The following KCNQ1 variants were observed in gnomAD, a reference collection of about 807,000 sequenced individuals.
The protein encoded by KCNQ1 is potassium voltage-gated channel subfamily Q member 1.
A neutral mutation model predicts 72.4 loss-of-function variants in KCNQ1; 49 were observed. That is an observed-to-expected ratio of 0.68 (90% confidence interval 0.54 to 0.86). KCNQ1 has a LOEUF of 0.86. KCNQ1 is among the 40% of genes least tolerant of loss of function. KCNQ1 has a pLI of 0.00. For missense variants in KCNQ1, 790 were observed against 945.1 expected, an observed-to-expected ratio of 0.84 and a Z score of 2.15; for synonymous variants, 450 against 412.6, an observed-to-expected ratio of 1.09 and a Z score of -1.10.
rs1564870794 is a variant in KCNQ1 at position 2,720,366 on chromosome 11, TACAGTC to T, written c.1515-48476_1515-48471del. Among the ~76,000 whole-genome samples, 1 of 152,294 alleles carries T rather than the reference TACAGTC, an allele frequency of 6.6e-6. No individual in the cohort carries two copies. The highest frequency in any genetic ancestry group is 2.4e-5 in the African/African-American group (1 of 41,566). On this transcript the variant is annotated intron_variant, in intron 11 of 15. Coordinates refer to ENST00000155840, the MANE Select transcript of KCNQ1 (RefSeq NM_000218.3). The surrounding 1 kb of genome is among the most constrained non-coding windows in gnomAD (Gnocchi z 5.1). The stretch of plus-strand genomic sequence containing the variant: ...GCTCAGCCGCCTTCCGGGGCCCGGC[TACAGTC>T]AGGCCTCCTTCGTGCTGAGCATGTG...
intron 11 of KCNQ1, chr11:2,694,619 G>T: frequency 2.5e-6 from 1 of 398,580 alleles, no homozygotes; most frequent in South Asian, 1.3e-4. Context: ...TTCAATAAAT[G>T]AATGAAACCA....
intron 11 of KCNQ1, chr11:2,672,980 C>T (rs1407658368): frequency 2.5e-6 from 1 of 398,608 alleles, no homozygotes; most frequent in Non-Finnish European, 4.4e-6. Context: ...CCCTGCAGGC[C>T]TTGCCTAAAG....
chr11:2,519,143 C>T (rs989746325), intron 1 of KCNQ1, among the ~76,000 whole-genome samples: 2 of 152,182 alleles, frequency 1.3e-5, no homozygotes, highest in Non-Finnish European at 2.9e-5. Context: ...AAGTGGCGGT[C>T]CCTGAAGGGC....
At chr11:2,778,094 A>C in intron 15 of KCNQ1, 57 bp downstream of exon 15, 1 of 1,523,980 alleles carries the variant, frequency 6.6e-7, no homozygotes, top group Non-Finnish European at 9.1e-7. Context: ...GCCAGCAGGC[A>C]CCTCCCTGTG....
chr11:2,802,785 T>C (rs1192629756), intron 15 of KCNQ1, among the ~76,000 whole-genome samples: 1 of 152,142 alleles, frequency 6.6e-6, no homozygotes, highest in South Asian at 2.1e-4. Flanking sequence ...CACTGCATGC[T>C]CCCAGCCCTT....
At chr11:2,716,928 C>G (rs544353166) in intron 11 of KCNQ1, among the ~76,000 whole-genome samples, 1 of 152,350 alleles carries the variant, frequency 6.6e-6, no homozygotes, top group South Asian at 2.1e-4. Flanking sequence ...GCAGTAGGAG[C>G]TCTGTGCATA....
At chr11:2,610,136 T>A in intron 10 of KCNQ1, 1 of 398,000 alleles carries the variant, frequency 2.5e-6, no homozygotes, top group Non-Finnish European at 4.4e-6. Context: ...CTTTCTAATA[T>A]AAATTTTCAT....
At chr11:2,445,531 A>G in intron 1 of KCNQ1, 47 bp downstream of exon 1, 1 of 1,572,748 alleles carries the variant, frequency 6.4e-7, no homozygotes, top group Non-Finnish European at 8.6e-7. Context: ...GCTTCCTGAG[A>G]GCTGGTGTGG....
intron 2 of KCNQ1, among the ~76,000 whole-genome samples, chr11:2,568,551 C>T (rs745751909): frequency 1.1e-4 from 16 of 152,226 alleles, no homozygotes; most frequent in Admixed American, 2.6e-4. Context: ...GTCTCCCTAA[C>T]GGGCAGTTTC....
At chr11:2,761,718 C>T (rs908772152) in intron 11 of KCNQ1, among the ~76,000 whole-genome samples, 3 of 152,228 alleles carry the variant, frequency 2.0e-5, no homozygotes, top group African/African-American at 7.2e-5. Flanking sequence ...GGACTGTGTT[C>T]AGCAGAAAAG....
At chr11:2,823,237 C>T (rs1164226252) in intron 15 of KCNQ1, among the ~76,000 whole-genome samples, 1 of 152,170 alleles carries the variant, frequency 6.6e-6, no homozygotes, top group African/African-American at 2.4e-5. Context: ...GGCCTCTGAA[C>T]AGATCAGTCT....
At chr11:2,790,572 T>C (rs1847000645) in intron 15 of KCNQ1, among the ~76,000 whole-genome samples, 1 of 152,124 alleles carries the variant, frequency 6.6e-6, no homozygotes, top group Non-Finnish European at 1.5e-5. Flanking sequence ...AAGCCTGACC[T>C]CCTCTCACGC....
Position 2,450,371 on chromosome 11 carries a change from G to T in KCNQ1, c.386+4887G>T, listed in dbSNP as rs923382362. Among the ~76,000 whole-genome samples, 6 of 152,162 alleles carry T rather than the reference G, an allele frequency of 3.9e-5. No individual in the cohort carries two copies. The highest frequency in any genetic ancestry group is 1.9e-4 in the East Asian group (1 of 5,188). ...CATGGTGTCGGCCCGGGGAGATGCC[G>T]CAGAGAAGCTTCCAGAAGCCCAACA... On this transcript the variant is annotated intron_variant, in intron 1 of 15. Transcript: ENST00000155840. The surrounding 1 kb of genome is among the most constrained non-coding windows in gnomAD (Gnocchi z 7.9).
chr11:2,516,129 G>A lies in KCNQ1; in HGVS notation c.387-11799G>A, dbSNP rs773383303. On this transcript the variant is annotated intron_variant, in intron 1 of 15. Coordinates refer to ENST00000155840, the MANE Select transcript of KCNQ1 (RefSeq NM_000218.3). This position sits in a 1 kb window ranked among gnomAD's most constrained non-coding sequence, Gnocchi z 7.0. ...GGCTTACTTCTGGGTTGTAGTTTTC[G>A]GGGTGCTTCGAGGTGCTGTGGGGAC... Among the ~76,000 whole-genome samples, 20 of 152,048 alleles carry A rather than the reference G, an allele frequency of 1.3e-4. No individual in the cohort carries two copies. The highest frequency in any genetic ancestry group is 3.1e-4 in the African/African-American group (13 of 41,400).
At position 2,690,502 on chromosome 11, in the gene KCNQ1, C is replaced by T; in HGVS notation, c.1514+28421C>T. 1 of 398,580 alleles carries T rather than the reference C, an allele frequency of 2.5e-6. No homozygotes were observed. The allele number at this position is 398,580 out of a possible 1,614,324, so 24.7% of individuals were successfully genotyped here. A position where few individuals can be genotyped will look rare whatever the true frequency, so the allele number is the denominator to read the frequency against. ...AGCCACTGGGCCCAGTCGGGGGGGTCTCAGCACCTATCACAAAGAAAGTGC... is the reference window on the plus strand; with the variant it reads ...AGCCACTGGGCCCAGTCGGGGGGGTTTCAGCACCTATCACAAAGAAAGTGC... On this transcript the variant is annotated intron_variant, in intron 11 of 15. Coordinates refer to ENST00000155840, the MANE Select transcript of KCNQ1 (RefSeq NM_000218.3). The surrounding 1 kb of genome is among the most constrained non-coding windows in gnomAD (Gnocchi z 5.1).
At chr11:2,649,087 C>G in intron 10 of KCNQ1, 1 of 385,232 alleles carries the variant, frequency 2.6e-6, no homozygotes, top group Non-Finnish European at 4.5e-6. Context: ...CATTCCCTTA[C>G]AGTCTATGGG....
In KCNQ1 at chr11:2,784,671, T is replaced by G. The variant is rs1846880695; in HGVS notation, c.1794+6634T>G. The stretch of plus-strand genomic sequence containing the variant: ...TATTGTAATCAATGAACATGGTATA[T>G]CCCTCCATTTATTTGATCTACTTTA... On this transcript the variant is annotated intron_variant, in intron 15 of 15. Transcript: ENST00000155840. The surrounding 1 kb of genome is among the most constrained non-coding windows in gnomAD (Gnocchi z 4.7). Among the ~76,000 whole-genome samples the G allele has an allele frequency of 6.6e-6, 1 of 151,944 alleles. No homozygotes were observed. Among genetic ancestry groups the G allele is most frequent in the South Asian group, 2.1e-4 (1 of 4,826 alleles).
chr11:2,839,180 C>T (rs946460371), intron 15 of KCNQ1, among the ~76,000 whole-genome samples: 1 of 152,174 alleles, frequency 6.6e-6, no homozygotes, highest in African/African-American at 2.4e-5. Context: ...CCACCCCCTC[C>T]CACCTGCCTG....
chr11:2,625,243 AT>A (rs1032308664), intron 10 of KCNQ1: 55 of 398,286 alleles, frequency 1.4e-4, no homozygotes, highest in African/African-American at 1.1e-3. Context: ...AGCAGTGGTT[AT>A]TTTCTGTTTA....
Sources: allele counts gnomAD v4.1 joint callset (sites outside exome capture counted in the v4.1 genomes callset), GRCh38; gene constraint gnomAD v4.1.1; non-coding constraint Gnocchi (gnomAD v3.1); transcripts MANE v1.5; gene names NCBI Gene and HGNC (gene_info 2026-07-23, HGNC 2026-07-21).